RFX8: variants seen among roughly 807,000 people sequenced by gnomAD.
The protein encoded by RFX8 is regulatory factor X8.
In RFX8, 46 loss-of-function variants were observed where a neutral mutation model predicts 54.6. That is an observed-to-expected ratio of 0.84 (90% CI 0.67 to 1.08). The LOEUF is 1.08. Ranked by LOEUF, RFX8 falls within the 50% of genes least tolerant of loss-of-function variation. RFX8 has a pLI of 0.00. For missense variants in RFX8, 536 were observed against 562.3 expected (o/e 0.95, Z 0.47); for synonymous variants, 192 against 209.5 (o/e 0.92, Z 0.72).
chr2:101,399,298 T>C, intron 11 of RFX8, among the ~76,000 whole-genome samples: 1 of 152,224 alleles, frequency 6.6e-6, no homozygotes, highest in Admixed American at 6.5e-5. Flanking sequence ...TGAGTGCAAG[T>C]GCTGAATAAT....
In RFX8 at chr2:101,402,870, AGCTT is replaced by A. The variant is rs1685527716; in HGVS notation, c.929-122_929-119del. ...CTGTGTACGTGAGCCTCGTTCCAAT[AGCTT>A]ACCCAGAAGAGGCCTGGGTCGGCCT... On this transcript the variant is annotated intron_variant, in intron 10 of 11. Transcript: ENST00000428343. 9.8e-6 allele frequency: 9 copies of A among 920,450 alleles called. No homozygotes were observed. The South Asian group carries it at 1.4e-4, about 14-fold the overall frequency. 57.0% of individuals were successfully genotyped at this position (920,450 alleles called of 1,614,324 possible). A position where few individuals can be genotyped will look rare whatever the true frequency, so the allele number is the denominator to read the frequency against.
chr2:101,459,549 C>T (rs1316080673), intron 2 of RFX8, among the ~76,000 whole-genome samples: 1 of 152,174 alleles, frequency 6.6e-6, no homozygotes, highest in Non-Finnish European at 1.5e-5. Context: ...GCAGAGGCTG[C>T]AGAACAGCAA....
chr2:101,402,808 A>ATT (rs1474971819), intron 10 of RFX8, 56 bp from the exon 11 acceptor site: 4 of 1,440,336 alleles, frequency 2.8e-6, no homozygotes, highest in Non-Finnish European at 3.7e-6. Context: ...CAATAAACAA[A>ATT]TCATTGTGAA....
At chr2:101,426,184 C>A (rs1687158137) in intron 2 of RFX8, among the ~76,000 whole-genome samples, 1 of 152,044 alleles carries the variant, frequency 6.6e-6, no homozygotes, top group African/African-American at 2.4e-5. Flanking sequence ...ATATATCAGT[C>A]TTTAAAAATC....
At chr2:101,424,331 C>T (rs1372105013) in intron 2 of RFX8, among the ~76,000 whole-genome samples, 1 of 152,148 alleles carries the variant, frequency 6.6e-6, no homozygotes, top group African/African-American at 2.4e-5. Flanking sequence ...TCATCTCACA[C>T]CAGTTAGAAT....
chr2:101,402,893 T>C (rs1261080000), intron 10 of RFX8, 141 bp from the exon 11 acceptor site: 5 of 759,962 alleles, frequency 6.6e-6, no homozygotes, highest in Non-Finnish European at 1.0e-5. Context: ...GAGGCCTGGG[T>C]CGGCCTCTTA....
chr2:101,446,130 G>T (rs1399896925), intron 2 of RFX8, among the ~76,000 whole-genome samples: 1 of 151,878 alleles, frequency 6.6e-6, no homozygotes, highest in Non-Finnish European at 1.5e-5. Flanking sequence ...AAATTTCTTA[G>T]TTGGCCAAGA....
intron 2 of RFX8, among the ~76,000 whole-genome samples, chr2:101,455,545 T>C (rs939354541): frequency 6.6e-6 from 1 of 152,212 alleles, no homozygotes; most frequent in Non-Finnish European, 1.5e-5. Context: ...GTGTTATTTC[T>C]GAGGCCTCTG....
chr2:101,456,197 C>G (rs574025206), intron 2 of RFX8, among the ~76,000 whole-genome samples: 13 of 152,246 alleles, frequency 8.5e-5, no homozygotes, highest in African/African-American at 2.9e-4. Flanking sequence ...AATTGAATAC[C>G]CTTTATTTCT....
At position 101,457,228 on chromosome 2, in the gene RFX8, A is replaced by G. The variant is rs559547426; in HGVS notation, c.72+9549T>C. ...TCCTTCAGTTCTGCTCTGATCTTAGATATTTCTTGCCTTTTGCTAGCTTTT... is the reference window on the plus strand; with the variant it reads ...TCCTTCAGTTCTGCTCTGATCTTAGGTATTTCTTGCCTTTTGCTAGCTTTT... On this transcript the variant is annotated intron_variant, in intron 2 of 11. Coordinates refer to ENST00000428343, the MANE Select transcript of RFX8 (RefSeq NM_001145664.2). Among the ~76,000 whole-genome samples the G allele has an allele frequency of 3.3e-5, 5 of 151,852 alleles. No homozygotes were observed. In the East Asian group the frequency reaches 9.7e-4, roughly 29 times the overall value.
chr2:101,415,253 C>T (rs1686424199), intron 6 of RFX8, among the ~76,000 whole-genome samples: 1 of 152,124 alleles, frequency 6.6e-6, no homozygotes, highest in Admixed American at 6.5e-5. Flanking sequence ...TGATGAGGCC[C>T]CGAGTGTACA....
intron 2 of RFX8, among the ~76,000 whole-genome samples, chr2:101,459,108 C>T (rs540922416): frequency 2.8e-4 from 43 of 152,266 alleles, no homozygotes; most frequent in South Asian, 1.0e-3. Flanking sequence ...GTTAGCCATT[C>T]GTCTAACCTT....
chr2:101,455,250 C>T lies in RFX8; in HGVS notation c.72+11527G>A, dbSNP rs1224972336. Among the ~76,000 whole-genome samples the T allele has an allele frequency of 5.3e-5, 8 of 152,086 alleles. No individual in the cohort carries two copies. In the South Asian group the frequency reaches 1.0e-3, roughly 20 times the overall value. ...CTGTTCTCGAACTCCTGACCTCAGA[C>T]GATCCACCCACCTCAGCCTCCTAAA... On this transcript the variant is annotated intron_variant, in intron 2 of 11. Transcript: ENST00000428343.
chr2:101,471,059 C>T (rs1257570720), intron 1 of RFX8, among the ~76,000 whole-genome samples: 2 of 148,552 alleles, frequency 1.3e-5, no homozygotes, highest in Non-Finnish European at 3.0e-5. Context: ...AGCAACTGGG[C>T]GCGGTGGCTC....
At chr2:101,444,909 T>C (rs1031838812) in intron 2 of RFX8, among the ~76,000 whole-genome samples, 9 of 152,206 alleles carry the variant, frequency 5.9e-5, no homozygotes, top group African/African-American at 9.6e-5. Flanking sequence ...GATACTGTTA[T>C]CCTTAATTAA....
chr2:101,403,455 A>C (rs1227767885), intron 10 of RFX8, among the ~76,000 whole-genome samples: 1 of 152,250 alleles, frequency 6.6e-6, no homozygotes, highest in South Asian at 2.1e-4. Flanking sequence ...GATAAGTTTT[A>C]AATAAAGGTA....
At chr2:101,422,807 A>C (rs1282895983) in intron 2 of RFX8, among the ~76,000 whole-genome samples, 1 of 152,244 alleles carries the variant, frequency 6.6e-6, no homozygotes, top group Admixed American at 6.5e-5. Context: ...TCACAAATAC[A>C]CTTCTACAAC....
chr2:101,471,420 C>T (rs1689985466), intron 1 of RFX8, among the ~76,000 whole-genome samples: 1 of 152,156 alleles, frequency 6.6e-6, no homozygotes, highest in African/African-American at 2.4e-5. Flanking sequence ...TACGGCTGAT[C>T]AAAAGCTACC....
chr2:101,470,633 A>G (rs1417520791), intron 1 of RFX8, among the ~76,000 whole-genome samples: 1 of 147,428 alleles, frequency 6.8e-6, no homozygotes, highest in Non-Finnish European at 1.5e-5. Context: ...CCTCGCTTTG[A>G]GTGATGAACA....
Sources: gnomAD v4.1 joint callset for allele counts (sites outside exome capture counted in the v4.1 genomes callset) on GRCh38, gnomAD v4.1.1 for gene constraint, MANE v1.5 for transcripts, NCBI Gene and HGNC (gene_info 2026-07-23, HGNC 2026-07-21) for gene names.